The following CNTNAP2 variants were observed in gnomAD, a reference collection of about 807,000 sequenced individuals.
CNTNAP2 encodes the protein contactin-associated protein-like 2.
A neutral mutation model predicts 155.2 loss-of-function variants in CNTNAP2; 98 were observed. The observed-to-expected ratio is 0.63, with a 90% CI of 0.54 to 0.75. The LOEUF (loss-of-function observed/expected upper bound fraction) is 0.75, where lower values mean the gene tolerates loss of function less well. Ranked by LOEUF, CNTNAP2 falls within the 30% of genes least tolerant of loss-of-function variation. The pLI, the probability that CNTNAP2 is intolerant of heterozygous loss-of-function variation, is 0.00. For synonymous variants in CNTNAP2, 651 were observed against 631.2 expected, an observed-to-expected ratio of 1.03 and a Z score of -0.47; for missense variants, 1,727 against 1,688.1, an observed-to-expected ratio of 1.02 and a Z score of -0.40.
At chr7:147,841,176 C>T (rs1024218650) in intron 13 of CNTNAP2, among the ~76,000 whole-genome samples, 2 of 152,114 alleles carry the variant, frequency 1.3e-5, no homozygotes, top group Non-Finnish European at 2.9e-5. Flanking sequence ...TTTTTCTTGC[C>T]TGATTGTTCA....
chr7:147,581,975 T>C, intron 12 of CNTNAP2, among the ~76,000 whole-genome samples: 1 of 152,152 alleles, frequency 6.6e-6, no homozygotes, highest in East Asian at 1.9e-4. Flanking sequence ...TGCTGTAAGA[T>C]ATGAACAAAG....
At chr7:147,919,116 C>A (rs570215729) in intron 14 of CNTNAP2, among the ~76,000 whole-genome samples, 1 of 152,012 alleles carries the variant, frequency 6.6e-6, no homozygotes, top group Non-Finnish European at 1.5e-5. Context: ...AGGAAGAAAT[C>A]CATGAACTAA....
At chr7:146,969,673 T>C (rs1467246837) in intron 3 of CNTNAP2, among the ~76,000 whole-genome samples, 1 of 152,100 alleles carries the variant, frequency 6.6e-6, no homozygotes, top group Non-Finnish European at 1.5e-5. Flanking sequence ...TGGTAGATCT[T>C]CCTCCATCCT....
At chr7:148,242,766 G>A (rs1796182110) in intron 20 of CNTNAP2, among the ~76,000 whole-genome samples, 1 of 152,218 alleles carries the variant, frequency 6.6e-6, no homozygotes, top group African/African-American at 2.4e-5. Context: ...GACTGAATAC[G>A]TGAAGGAATC....
At chr7:146,601,086 T>A (rs1030994102) in intron 1 of CNTNAP2, among the ~76,000 whole-genome samples, 4 of 152,138 alleles carry the variant, frequency 2.6e-5, no homozygotes, top group Admixed American at 6.6e-5. Context: ...TTTCCTTTTT[T>A]AAATATATCT....
chr7:148,090,653 G>A (rs1202119582), intron 15 of CNTNAP2, among the ~76,000 whole-genome samples: 1 of 152,082 alleles, frequency 6.6e-6, no homozygotes, highest in Non-Finnish European at 1.5e-5. Context: ...TGGTAGAAAT[G>A]TAAATTAGTA....
chr7:146,789,416 G>T (rs1396455803), intron 2 of CNTNAP2, among the ~76,000 whole-genome samples: 1 of 152,048 alleles, frequency 6.6e-6, no homozygotes, highest in Non-Finnish European at 1.5e-5. Context: ...ATGCCTTTGT[G>T]ATTTCTTTGC....
At chr7:148,352,256 A>C (rs1798440579) in intron 21 of CNTNAP2, among the ~76,000 whole-genome samples, 1 of 152,214 alleles carries the variant, frequency 6.6e-6, no homozygotes, top group Admixed American at 6.5e-5. Context: ...GATGGATGAC[A>C]GAAGGGCAAA....
chr7:147,881,985 C>T (rs1330712220), intron 13 of CNTNAP2, among the ~76,000 whole-genome samples: 1 of 151,474 alleles, frequency 6.6e-6, no homozygotes, highest in South Asian at 2.1e-4. Flanking sequence ...CTCATCCCTA[C>T]CAAGAAAAGA....
intron 11 of CNTNAP2, among the ~76,000 whole-genome samples, chr7:147,537,582 A>T (rs2116736943): frequency 1.3e-5 from 2 of 152,320 alleles, no homozygotes; most frequent in South Asian, 4.1e-4. Flanking sequence ...CCTTAAAAAA[A>T]AAAAGTTGTA....
In CNTNAP2 at chr7:146,184,006, C is replaced by CCTAGGT. The variant is rs112689725; in HGVS notation, c.97+67036_97+67041dup. Among the ~76,000 whole-genome samples, 1,389 of 152,068 alleles carry CCTAGGT rather than the reference C, an allele frequency of 9.1e-3. 26 individuals carry two copies. Among genetic ancestry groups the CCTAGGT allele is most frequent in the South Asian group, 0.077 (373 of 4,816 alleles). On this transcript the variant is annotated intron_variant, in intron 1 of 23. Transcript: ENST00000361727. Reference sequence around the variant, plus strand: ...TATGGACTTGATCTTGGGACTTCCCCCTAGGTCTCAAGGTCTCCCTTGTGA... The same window carrying CCTAGGT: ...TATGGACTTGATCTTGGGACTTCCCCCTAGGTCTAGGTCTCAAGGTCTCCCTTGTGA...
At chr7:146,903,074 C>T (rs77439473) in intron 3 of CNTNAP2, among the ~76,000 whole-genome samples, 2,390 of 152,288 alleles carry the variant, frequency 0.016, 58 homozygotes, top group African/African-American at 0.055. Context: ...TTTTTATCAA[C>T]TTCACGTTGG....
chr7:148,158,282 G>C (rs1199897837), intron 17 of CNTNAP2, among the ~76,000 whole-genome samples: 1 of 136,626 alleles, frequency 7.3e-6, no homozygotes, highest in African/African-American at 3.0e-5. Context: ...AAGTGCAGTG[G>C]CACAATCTCG....
intron 20 of CNTNAP2, among the ~76,000 whole-genome samples, chr7:148,246,071 C>T (rs957871458): frequency 9.2e-5 from 14 of 152,236 alleles, no homozygotes; most frequent in African/African-American, 3.4e-4. Context: ...CCCCCACATT[C>T]TGAAGTCACT....
rs1192225214 is a variant in CNTNAP2 at position 148,413,433 on chromosome 7, T to A, written c.3797-1984T>A. Among the ~76,000 whole-genome samples, 87 of 106,586 alleles carry A rather than the reference T, an allele frequency of 8.2e-4. 15 individuals are homozygous for A. The highest frequency in any genetic ancestry group is 2.6e-3 in the African/African-American group (71 of 26,922). The allele number at this position is 106,586 out of a possible 152,430, so 69.9% of individuals were successfully genotyped here. On this transcript the variant is annotated intron_variant, in intron 23 of 23. Coordinates refer to ENST00000361727, the MANE Select transcript of CNTNAP2 (RefSeq NM_014141.6). ...ATATATATATATATATATATATATA[T>A]ATATATATATATATTGCTCCATAGT...
At chr7:146,221,612 T>G (rs1325826402) in intron 1 of CNTNAP2, among the ~76,000 whole-genome samples, 1 of 152,148 alleles carries the variant, frequency 6.6e-6, no homozygotes. Context: ...AGTCCGATAT[T>G]TTCTGGGTAA....
chr7:147,278,493 A>T lies in CNTNAP2; in HGVS notation c.1349-21648A>T, dbSNP rs1020743118. 2.0e-5 allele frequency among the ~76,000 whole-genome samples: 3 copies of T among 151,764 alleles called. 1 individual carries two copies. Among genetic ancestry groups the T allele is most frequent in the African/African-American group, 7.2e-5 (3 of 41,402 alleles). ...TGGAAGTATAGTTGGGGACAAAATT[A>T]TTCTTATTTCTTTCTTAATTTACCT... On this transcript the variant is annotated intron_variant, in intron 8 of 23. Coordinates refer to ENST00000361727, the MANE Select transcript of CNTNAP2 (RefSeq NM_014141.6).
intron 21 of CNTNAP2, among the ~76,000 whole-genome samples, chr7:148,326,504 G>T (rs973122480): frequency 6.6e-6 from 1 of 152,138 alleles, no homozygotes; most frequent in Non-Finnish European, 1.5e-5. Context: ...AAACTAACCA[G>T]CATTCCTAAT....
chr7:147,019,403 C>G (rs1316629129), intron 3 of CNTNAP2, among the ~76,000 whole-genome samples: 1 of 151,910 alleles, frequency 6.6e-6, no homozygotes, highest in African/African-American at 2.4e-5. Context: ...GTTGGGAGTA[C>G]TACCAAAATA....
Sources: allele counts gnomAD v4.1 joint callset (sites outside exome capture counted in the v4.1 genomes callset), GRCh38; gene constraint gnomAD v4.1.1; transcripts MANE v1.5; gene names NCBI Gene and HGNC (gene_info 2026-07-23, HGNC 2026-07-21).